Variants in ZMYM2 observed in about 807,000 individuals in gnomAD.
ZMYM2 encodes zinc finger MYM-type containing 2, also known as zinc finger MYM-type protein 2.
Under a neutral mutation model 162.8 loss-of-function variants are expected in ZMYM2, and 56 were observed. The ratio of observed to expected loss-of-function variants is 0.34; its 90% CI spans 0.28 to 0.43. ZMYM2 has a LOEUF of 0.43. Among genes scored for constraint, ZMYM2 ranks in the 20% least tolerant of loss-of-function variants. The probability of loss-of-function intolerance (pLI) is 1.00; values close to 1 mark genes in which losing one functional copy is unlikely to be tolerated. For missense variants in ZMYM2, 1,275 were observed against 1,621.8 expected (o/e 0.79, Z 3.67); for synonymous variants, 510 against 541.6 (o/e 0.94, Z 0.81).
chr13:20,025,713 G>T (rs1387871681), intron 7 of ZMYM2: 1 of 152,236 alleles, frequency 6.6e-6, no homozygotes, highest in Admixed American at 6.5e-5. Context: ...TCTGAAAAAT[G>T]CATCGTTAGA....
chr13:19,961,348 G>T (rs1314611787), intron 2 of ZMYM2, among the ~76,000 whole-genome samples: 1 of 152,088 alleles, frequency 6.6e-6, no homozygotes, highest in Non-Finnish European at 1.5e-5. Flanking sequence ...GGGCTGTTTG[G>T]ATCAGAATTA....
chr13:20,003,743 G>A (rs927977528), intron 4 of ZMYM2, among the ~76,000 whole-genome samples: 1 of 151,850 alleles, frequency 6.6e-6, no homozygotes, highest in East Asian at 1.9e-4. Flanking sequence ...CCACCTCCTG[G>A]GTTCAAGCAG....
At chr13:19,902,102 A>C in the ZMYM2 span, among the ~76,000 whole-genome samples, 14 of 152,158 alleles carry the variant, frequency 9.2e-5, no homozygotes, top group African/African-American at 3.4e-4. Context: ...ATGAACCTTA[A>C]CAATAATATG....
chr13:20,038,141 A>T (rs1280566749), intron 12 of ZMYM2, among the ~76,000 whole-genome samples: 1 of 152,132 alleles, frequency 6.6e-6, no homozygotes, highest in African/African-American at 2.4e-5. Context: ...TTATTGCTGC[A>T]TAGTATTCCA....
At chr13:20,057,435 GC>G (rs1955885142) in intron 14 of ZMYM2, among the ~76,000 whole-genome samples, 1 of 152,026 alleles carries the variant, frequency 6.6e-6, no homozygotes. Context: ...AATGCCCCCG[GC>G]CAGCTTTTGT....
At chr13:20,051,340 C>G in intron 12 of ZMYM2, 93 bp from the exon 13 acceptor site, 1 of 1,306,412 alleles carries the variant, frequency 7.7e-7, no homozygotes, top group Non-Finnish European at 1.0e-6. Flanking sequence ...GTATCAGTCA[C>G]GGTTTTATCA....
At chr13:19,986,468 AT>A (rs1949150718) in intron 2 of ZMYM2, among the ~76,000 whole-genome samples, 1 of 152,170 alleles carries the variant, frequency 6.6e-6, no homozygotes, top group Admixed American at 6.5e-5. Context: ...TATAAACATC[AT>A]TACTCTAAGG....
chr13:19,893,600 C>T, the ZMYM2 span, among the ~76,000 whole-genome samples: 1 of 151,618 alleles, frequency 6.6e-6, no homozygotes, highest in African/African-American at 2.4e-5. Context: ...ATTAGCCAGG[C>T]GTGGTGGCGG....
the ZMYM2 span, among the ~76,000 whole-genome samples, chr13:19,913,711 A>G: frequency 0.066 from 10,122 of 152,270 alleles, 482 homozygotes; most frequent in Non-Finnish European, 0.1. Flanking sequence ...GGCCTGGCCA[A>G]CAGAATAAGA....
chr13:19,985,528 G>A (rs1949060486), intron 2 of ZMYM2, among the ~76,000 whole-genome samples: 1 of 80,890 alleles, frequency 1.2e-5, no homozygotes, highest in Non-Finnish European at 3.8e-5. Context: ...TTATTGAATG[G>A]TTGTGTTTTT....
intron 2 of ZMYM2, among the ~76,000 whole-genome samples, chr13:19,985,404 G>A (rs1949051543): frequency 6.6e-6 from 1 of 152,184 alleles, no homozygotes; most frequent in Non-Finnish European, 1.5e-5. Context: ...GATCACAGGT[G>A]TGAGCTACCA....
At chr13:19,871,663 GA>G in the ZMYM2 span, among the ~76,000 whole-genome samples, 1 of 151,752 alleles carries the variant, frequency 6.6e-6, no homozygotes, top group Non-Finnish European at 1.5e-5. Context: ...AAGTCATGCA[GA>G]AAAAAAATCT....
chr13:20,050,573 A>G (rs1476869377), intron 12 of ZMYM2, among the ~76,000 whole-genome samples: 1 of 152,070 alleles, frequency 6.6e-6, no homozygotes, highest in Non-Finnish European at 1.5e-5. Flanking sequence ...ATTTGAAATT[A>G]CATCGTTTTT....
In ZMYM2 at chr13:20,058,839, G is replaced by T. The variant is rs537886721; in HGVS notation, c.2623+135G>T. ...GTCATTTTCTGTTGATTTTGCTTAC[G>T]TAATTTTAGATATTACCTGGAGAAT... is the stretch of plus-strand genomic sequence containing the variant. On this transcript the variant is annotated intron_variant, in intron 15 of 24. Transcript: ENST00000610343. 7 of 1,206,716 alleles carry T rather than the reference G, an allele frequency of 5.8e-6. No homozygotes were observed. The South Asian group carries it at 8.6e-5, about 15-fold the overall frequency. 74.8% of individuals were successfully genotyped at this position (1,206,716 alleles called of 1,614,324 possible).
intron 2 of ZMYM2, among the ~76,000 whole-genome samples, chr13:19,983,355 A>G (rs1957518593): frequency 6.6e-6 from 1 of 152,156 alleles, no homozygotes. Context: ...CGTGTTGGCC[A>G]GGCTGGTCTC....
At chr13:20,022,979 G>T (rs1338448738) in intron 7 of ZMYM2, among the ~76,000 whole-genome samples, 1 of 151,848 alleles carries the variant, frequency 6.6e-6, no homozygotes, top group Non-Finnish European at 1.5e-5. Context: ...TTTGAAATGT[G>T]CTGCTTTATT....
chr13:20,041,082 G>T (rs1239320185), intron 12 of ZMYM2, among the ~76,000 whole-genome samples: 1 of 152,112 alleles, frequency 6.6e-6, no homozygotes, highest in Non-Finnish European at 1.5e-5. Context: ...ATATTCTGTT[G>T]TTTTGGGGTG....
intron 2 of ZMYM2, among the ~76,000 whole-genome samples, chr13:19,962,824 A>ATTT (rs34502556): frequency 0.011 from 1,222 of 113,496 alleles, 49 homozygotes; most frequent in African/African-American, 0.041. Context: ...TTGCCCAGCC[A>ATTT]TTTTTTTTTT....
At chr13:20,028,574 AC>A (rs541032968) in intron 9 of ZMYM2, among the ~76,000 whole-genome samples, 7 of 152,198 alleles carry the variant, frequency 4.6e-5, no homozygotes, top group Non-Finnish European at 8.8e-5. Flanking sequence ...GGCAAGTGGT[AC>A]CAGGACCTCC....
Sources: allele counts gnomAD v4.1 joint callset (sites outside exome capture counted in the v4.1 genomes callset), GRCh38; gene constraint gnomAD v4.1.1; transcripts MANE v1.5; gene names NCBI Gene and HGNC (gene_info 2026-07-23, HGNC 2026-07-21).